The following FAM135B variants were observed in gnomAD, a reference collection of about 807,000 sequenced individuals.
FAM135B encodes the protein family with sequence similarity 135 member B, also known as protein FAM135B.
In FAM135B, 43 loss-of-function variants were observed where a neutral mutation model predicts 127.7. The observed-to-expected ratio is 0.34, with a 90% CI of 0.26 to 0.43. The LOEUF (loss-of-function observed/expected upper bound fraction) is 0.43. Ranked by LOEUF, FAM135B falls within the 20% of genes least tolerant of loss-of-function variation. The pLI is 1.00. For synonymous variants in FAM135B, 670 were observed against 665.1 expected, an observed-to-expected ratio of 1.01 and a Z score of -0.11; for missense variants, 1,558 against 1,725.6, an observed-to-expected ratio of 0.90 and a Z score of 1.72.
chr8:138,405,712 C>T (rs1423345040), intron 1 of FAM135B, among the ~76,000 whole-genome samples: 1 of 152,058 alleles, frequency 6.6e-6, no homozygotes, highest in African/African-American at 2.4e-5. Context: ...GATTTATAGT[C>T]CTTTGGGTAT....
intron 12 of FAM135B, among the ~76,000 whole-genome samples, chr8:138,161,488 T>C (rs1489652284): frequency 6.6e-6 from 1 of 152,144 alleles, no homozygotes; most frequent in African/African-American, 2.4e-5. Flanking sequence ...AATTTACATA[T>C]ACACCAAACA....
At chr8:138,312,241 G>A (rs766496225) in intron 2 of FAM135B, among the ~76,000 whole-genome samples, 2 of 152,182 alleles carry the variant, frequency 1.3e-5, no homozygotes, top group East Asian at 1.9e-4. Context: ...CACCATGCCC[G>A]GCCAAAATGA....
chr8:138,331,729 G>T (rs1468207365), intron 2 of FAM135B, among the ~76,000 whole-genome samples: 1 of 152,154 alleles, frequency 6.6e-6, no homozygotes, highest in East Asian at 1.9e-4. Flanking sequence ...TGCTTGTTTG[G>T]TTAGTTTAGT....
chr8:138,167,614 G>A (rs959615396), intron 12 of FAM135B, among the ~76,000 whole-genome samples: 2 of 152,188 alleles, frequency 1.3e-5, no homozygotes, highest in Non-Finnish European at 2.9e-5. Flanking sequence ...TGGGCAGGCT[G>A]TGGTGCCCAT....
intron 2 of FAM135B, among the ~76,000 whole-genome samples, chr8:138,340,156 A>C (rs909636723): frequency 3.3e-5 from 5 of 152,254 alleles, no homozygotes; most frequent in Admixed American, 2.6e-4. Context: ...CGAGGTCCAA[A>C]ACTCACATCC....
intron 1 of FAM135B, among the ~76,000 whole-genome samples, chr8:138,407,764 G>T (rs1434732575): frequency 6.6e-6 from 1 of 152,002 alleles, no homozygotes; most frequent in East Asian, 1.9e-4. Context: ...AATTCAAGAT[G>T]GATTAAAGAC....
chr8:138,222,472 A>G (rs1235107394), intron 7 of FAM135B, among the ~76,000 whole-genome samples: 2 of 152,136 alleles, frequency 1.3e-5, no homozygotes, highest in African/African-American at 4.8e-5. Context: ...AGTTTTACCA[A>G]TGATTCACAC....
At chr8:138,469,666 G>A (rs2131643202) in intron 1 of FAM135B, among the ~76,000 whole-genome samples, 1 of 152,312 alleles carries the variant, frequency 6.6e-6, no homozygotes, top group African/African-American at 2.4e-5. Context: ...ATGTCTTGAG[G>A]CAGGTGGCAT....
intron 2 of FAM135B, among the ~76,000 whole-genome samples, chr8:138,341,985 A>T (rs1829081431): frequency 6.6e-6 from 1 of 152,178 alleles, no homozygotes; most frequent in South Asian, 2.1e-4. Context: ...TCCTGGACCA[A>T]GTTTTGGTGC....
rs55837421 is a variant in FAM135B at position 138,242,165 on chromosome 8, T to TTGTGTGTGTG, written c.669+767_669+776dup. Among the ~76,000 whole-genome samples, 156 of 130,082 alleles carry TTGTGTGTGTG rather than the reference T, an allele frequency of 1.2e-3. 2 individuals are homozygous for TTGTGTGTGTG. The highest frequency in any genetic ancestry group is 2.7e-3 in the African/African-American group (92 of 34,110). The allele number at this position is 130,082 out of a possible 152,430, so 85.3% of individuals were successfully genotyped here. A position where few individuals can be genotyped will look rare whatever the true frequency, so the allele number is the denominator to read the frequency against. On this transcript the variant is annotated intron_variant, in intron 7 of 19. Coordinates refer to ENST00000395297, the MANE Select transcript of FAM135B (RefSeq NM_015912.4). The surrounding 1 kb of genome is among the most constrained non-coding windows in gnomAD (Gnocchi z 9.6). ...AGTCAATTACTTATGATAAATCTCT[T>TTGTGTGTGTG]TGTGTGTGTGTGTGTGTGTGTGTGT...
intron 12 of FAM135B, among the ~76,000 whole-genome samples, chr8:138,153,868 T>C (rs1315753589): frequency 1.3e-5 from 2 of 152,174 alleles, no homozygotes; most frequent in Non-Finnish European, 2.9e-5. Context: ...GGGCAGGGCA[T>C]AGCTGAACAA....
chr8:138,399,731 G>A (rs916657063), intron 1 of FAM135B, among the ~76,000 whole-genome samples: 4 of 152,084 alleles, frequency 2.6e-5, no homozygotes, highest in Non-Finnish European at 5.9e-5. Context: ...ATGAACAATA[G>A]CCCCTACCTA....
At chr8:138,270,235 A>G (rs1446047455) in intron 3 of FAM135B, among the ~76,000 whole-genome samples, 1 of 152,196 alleles carries the variant, frequency 6.6e-6, no homozygotes, top group Non-Finnish European at 1.5e-5. Context: ...ATAGGCAACC[A>G]TGGTCTTGAT....
intron 1 of FAM135B, among the ~76,000 whole-genome samples, chr8:138,455,900 T>A (rs1179979681): frequency 1.6e-5 from 2 of 121,884 alleles, no homozygotes; most frequent in Non-Finnish European, 3.7e-5. Context: ...TGTGCACAAG[T>A]TCTGAAATCA....
chr8:138,185,079 G>A (rs150454687), intron 9 of FAM135B, among the ~76,000 whole-genome samples: 18 of 152,274 alleles, frequency 1.2e-4, no homozygotes, highest in East Asian at 3.9e-4. Flanking sequence ...AAGTCCTAGC[G>A]CCAGGAATTC....
At chr8:138,495,021 C>A (rs762175811) in intron 1 of FAM135B, among the ~76,000 whole-genome samples, 2 of 152,196 alleles carry the variant, frequency 1.3e-5, no homozygotes, top group Non-Finnish European at 2.9e-5. Flanking sequence ...GACCAGACTA[C>A]AGTGTTTCCA....
rs1409998270 is a variant in FAM135B, at chr8:138,130,985, CCT to C, written c.*1606_*1607del. 11 of 152,288 alleles carry C rather than the reference CCT, an allele frequency of 7.2e-5. No homozygotes were observed. Among genetic ancestry groups the C allele is most frequent in the African/African-American group, 2.6e-4 (11 of 41,562 alleles). The allele number at this position is 152,288 out of a possible 1,614,324, so 9.4% of individuals were successfully genotyped here. A position where few individuals can be genotyped will look rare whatever the true frequency, so the allele number is the denominator to read the frequency against. On this transcript the variant is annotated 3_prime_UTR_variant, in exon 20 of 20. Transcript: ENST00000395297. ...AGACATTCAACTCTCCCTCAACGAC[CCT>C]CTCTTTCTTCAAAAGAATACCACAT...
At chr8:138,250,699 A>C (rs1043788203) in intron 6 of FAM135B, 142 bp downstream of exon 6, 2 of 881,996 alleles carry the variant, frequency 2.3e-6, no homozygotes, top group Admixed American at 5.1e-5. Context: ...CATGCTCCTC[A>C]GTGAGGCCCA....
At chr8:138,201,173 G>A (rs564656642) in intron 7 of FAM135B, among the ~76,000 whole-genome samples, 2 of 152,128 alleles carry the variant, frequency 1.3e-5, no homozygotes, top group Non-Finnish European at 2.9e-5. Context: ...GACTTCAAGC[G>A]GTCCTTAGAA....
Sources: gnomAD v4.1 joint callset for allele counts (sites outside exome capture counted in the v4.1 genomes callset) on GRCh38, gnomAD v4.1.1 for gene constraint, Gnocchi (gnomAD v3.1) non-coding constraint, MANE v1.5 for transcripts, NCBI Gene and HGNC (gene_info 2026-07-23, HGNC 2026-07-21) for gene names.